The following BAIAP2L1 variants were observed in gnomAD, a reference collection of about 807,000 sequenced individuals.
BAIAP2L1 encodes the protein BAR/IMD domain-containing adapter protein 2-like 1.
BAIAP2L1 carries 35 observed loss-of-function variants against 66.3 expected under a neutral mutation model. The ratio of observed to expected loss-of-function variants is 0.53; its 90% CI spans 0.40 to 0.70. The LOEUF (loss-of-function observed/expected upper bound fraction) is 0.70, where lower values mean the gene tolerates loss of function less well. Ranked by LOEUF, BAIAP2L1 falls within the 30% of genes least tolerant of loss-of-function variation. The pLI, the probability that BAIAP2L1 is intolerant of heterozygous loss-of-function variation, is 0.00. For synonymous variants in BAIAP2L1, 269 were observed against 248.7 expected (o/e 1.08, Z -0.77); for missense variants, 622 against 656.9 (o/e 0.95, Z 0.58).
In BAIAP2L1 at chr7:98,312,175, G is replaced by T. The variant is rs369077499; in HGVS notation, c.729C>A (p.Ile243=). ...IKVPEKIMNM[I]EEIKTPASTP... is the part of the protein sequence containing the mutation. ...TAGAGGCTGGGGTCTTTATTTCTTC[G>T]ATCATATTCATGATTTTCTCTGGCA... is the stretch of plus-strand genomic sequence containing the variant. Residue 243 remains isoleucine (I), a synonymous_variant, in exon 8 of 14, where the codon ATC becomes ATA. Transcript: ENST00000005260. The T allele has an allele frequency of 1.2e-6, 2 of 1,613,978 alleles. No individual in the cohort carries two copies. The highest frequency in any genetic ancestry group is 2.2e-5 in the South Asian group (2 of 91,074).
chr7:98,352,946 C>G (rs2115683175), intron 3 of BAIAP2L1, among the ~76,000 whole-genome samples: 1 of 152,232 alleles, frequency 6.6e-6, no homozygotes, highest in South Asian at 2.1e-4. Context: ...CTTTCTGATG[C>G]ATGACACCAA....
At chr7:98,320,520 G>C (rs1801213291) in intron 3 of BAIAP2L1, among the ~76,000 whole-genome samples, 1 of 152,130 alleles carries the variant, frequency 6.6e-6, no homozygotes, top group East Asian at 1.9e-4. Flanking sequence ...ATTTTTAGTA[G>C]AGACAGGGTT....
At chr7:98,313,792 CTT>C (rs543402978) in intron 7 of BAIAP2L1, among the ~76,000 whole-genome samples, 25 of 132,922 alleles carry the variant, frequency 1.9e-4, no homozygotes, top group East Asian at 6.6e-4. Flanking sequence ...CTAATTAAAA[CTT>C]TTTTTTTTTT....
At chr7:98,314,262 C>T (rs890068555) in intron 7 of BAIAP2L1, among the ~76,000 whole-genome samples, 3 of 152,080 alleles carry the variant, frequency 2.0e-5, no homozygotes, top group East Asian at 3.9e-4. Flanking sequence ...GGATTACAGG[C>T]GTGAGCCACC....
chr7:98,330,711 C>T (rs955759461), intron 3 of BAIAP2L1, among the ~76,000 whole-genome samples: 2 of 152,042 alleles, frequency 1.3e-5, no homozygotes, highest in African/African-American at 4.8e-5. Flanking sequence ...CTGGGTTCTG[C>T]GTGGTACCAG....
At chr7:98,364,270 CGCCACCTTT>C (rs1441814028) in intron 1 of BAIAP2L1, among the ~76,000 whole-genome samples, 1 of 152,162 alleles carries the variant, frequency 6.6e-6, no homozygotes, top group Non-Finnish European at 1.5e-5. Flanking sequence ...CTTTCCGCCC[CGCCACCTTT>C]GCTTAGTTTT....
At chr7:98,312,933 C>T (rs944006418) in intron 7 of BAIAP2L1, among the ~76,000 whole-genome samples, 2 of 152,180 alleles carry the variant, frequency 1.3e-5, no homozygotes, top group African/African-American at 4.8e-5. Context: ...GCCCCCCAAG[C>T]GCTTCCAGTG....
intron 1 of BAIAP2L1, 149 bp downstream of exon 1, chr7:98,400,653 C>T: frequency 1.3e-5 from 11 of 834,172 alleles, no homozygotes; most frequent in Non-Finnish European, 2.1e-5. Flanking sequence ...CTGTGGAGGG[C>T]CAGGGGAGGA....
intron 3 of BAIAP2L1, among the ~76,000 whole-genome samples, chr7:98,348,865 G>C (rs1473112289): frequency 6.6e-6 from 1 of 152,238 alleles, no homozygotes; most frequent in Non-Finnish European, 1.5e-5. Flanking sequence ...GTTAACAGCA[G>C]GAATGTGGCA....
At chr7:98,379,142 G>A (rs1398928287) in intron 1 of BAIAP2L1, among the ~76,000 whole-genome samples, 1 of 152,000 alleles carries the variant, frequency 6.6e-6, no homozygotes, top group Non-Finnish European at 1.5e-5. Flanking sequence ...GCCTCCCAAA[G>A]TGCTGGGATT....
chr7:98,329,414 C>G (rs968286634), intron 3 of BAIAP2L1, among the ~76,000 whole-genome samples: 1 of 152,146 alleles, frequency 6.6e-6, no homozygotes, highest in Non-Finnish European at 1.5e-5. Context: ...CTGAGAGTTG[C>G]AAACTTCAGG....
Position 98,366,629 on chromosome 7 carries a change from TTAA to T in BAIAP2L1, c.52-4200_52-4198del, listed in dbSNP as rs1293805141. 2.0e-5 allele frequency among the ~76,000 whole-genome samples: 3 copies of T among 152,170 alleles called. No individual in the cohort carries two copies. The South Asian group carries it at 6.2e-4, about 31-fold the overall frequency. ...TGTTTTTAATTCCTTTGCCATCATTTTAATGGGTTCTCAAAAGGAAGAAAATAA... is the reference window on the plus strand; with the variant it reads ...TGTTTTTAATTCCTTTGCCATCATTTTGGGTTCTCAAAAGGAAGAAAATAA... On this transcript the variant is annotated intron_variant, in intron 1 of 13. Coordinates refer to ENST00000005260, the MANE Select transcript of BAIAP2L1 (RefSeq NM_018842.5).
chr7:98,312,560 G>C (rs940154134), intron 7 of BAIAP2L1, among the ~76,000 whole-genome samples: 6 of 152,162 alleles, frequency 3.9e-5, no homozygotes, highest in African/African-American at 1.4e-4. Context: ...AAACTCAAAG[G>C]GAGGGAGGGA....
intron 1 of BAIAP2L1, among the ~76,000 whole-genome samples, chr7:98,362,892 A>T (rs1367940154): frequency 6.6e-6 from 1 of 151,754 alleles, no homozygotes; most frequent in Non-Finnish European, 1.5e-5. Flanking sequence ...AATTTCCAGG[A>T]GATTTTGTTT....
At chr7:98,393,902 G>C (rs920960259) in intron 1 of BAIAP2L1, among the ~76,000 whole-genome samples, 53 of 147,960 alleles carry the variant, frequency 3.6e-4, no homozygotes, top group Admixed American at 1.0e-3. Context: ...TCGGGAGTTC[G>C]AGACCAGCCT....
intron 1 of BAIAP2L1, among the ~76,000 whole-genome samples, chr7:98,366,909 T>G (rs973398744): frequency 2.6e-5 from 4 of 152,170 alleles, no homozygotes; most frequent in Non-Finnish European, 5.9e-5. Context: ...CTTCTCTTTC[T>G]GAGACAGGGT....
At chr7:98,377,108 C>A (rs542171684) in intron 1 of BAIAP2L1, among the ~76,000 whole-genome samples, 2 of 152,236 alleles carry the variant, frequency 1.3e-5, no homozygotes, top group Non-Finnish European at 2.9e-5. Flanking sequence ...ACTAGTCAGC[C>A]CCACAATCAT....
intron 2 of BAIAP2L1, among the ~76,000 whole-genome samples, chr7:98,357,145 C>G (rs1802155075): frequency 7.1e-6 from 1 of 141,724 alleles, no homozygotes; most frequent in African/African-American, 2.6e-5. Context: ...CCTGAGTCAC[C>G]CAAAGTGTTT....
At chr7:98,372,140 C>G (rs1474028792) in intron 1 of BAIAP2L1, among the ~76,000 whole-genome samples, 2 of 151,786 alleles carry the variant, frequency 1.3e-5, no homozygotes, top group Non-Finnish European at 2.9e-5. Flanking sequence ...GGTGTGTTGG[C>G]TCACGTCTGT....
Sources: allele counts gnomAD v4.1 joint callset (sites outside exome capture counted in the v4.1 genomes callset), GRCh38; gene constraint gnomAD v4.1.1; transcripts MANE v1.5; gene names NCBI Gene and HGNC (gene_info 2026-07-23, HGNC 2026-07-21).